RBFOX1: variants seen among roughly 807,000 people sequenced by gnomAD.
RBFOX1 encodes RNA binding protein fox-1 homolog 1.
A neutral mutation model predicts 57.7 loss-of-function variants in RBFOX1; 8 were observed. The ratio of observed to expected loss-of-function variants is 0.14; its 90% CI spans 0.08 to 0.25. The LOEUF (loss-of-function observed/expected upper bound fraction) is 0.25. RBFOX1 is among the 10% of genes least tolerant of loss of function. RBFOX1 has a pLI of 1.00. For missense variants in RBFOX1, 611 were observed against 548.5 expected (o/e 1.11, Z -1.14); for synonymous variants, 326 against 222.4 (o/e 1.47, Z -4.15).
intron 3 of RBFOX1, among the ~76,000 whole-genome samples, chr16:6,724,496 C>G (rs942390473): frequency 1.3e-5 from 2 of 152,114 alleles, no homozygotes; most frequent in Non-Finnish European, 2.9e-5. Flanking sequence ...GCATTAGCCA[C>G]CACACCTGGC....
At chr16:7,308,877 C>G (rs2096251285) in intron 4 of RBFOX1, among the ~76,000 whole-genome samples, 1 of 152,180 alleles carries the variant, frequency 6.6e-6, no homozygotes. Flanking sequence ...AAGTTCAATT[C>G]TCATTGCAGT....
chr16:5,526,538 C>T (rs1219578531), intron 2 of RBFOX1, among the ~76,000 whole-genome samples: 1 of 152,154 alleles, frequency 6.6e-6, no homozygotes, highest in Middle Eastern at 3.2e-3. Flanking sequence ...ATCTGCCCAC[C>T]TCAGCCTCCC....
chr16:6,995,397 A>G (rs1482493060), intron 3 of RBFOX1, among the ~76,000 whole-genome samples: 2 of 149,274 alleles, frequency 1.3e-5, no homozygotes, highest in South Asian at 2.1e-4. Context: ...TCACTTTATT[A>G]TTGTGACGTG....
intron 4 of RBFOX1, among the ~76,000 whole-genome samples, chr16:7,492,255 G>A (rs932705524): frequency 2.6e-5 from 4 of 152,272 alleles, no homozygotes; most frequent in Admixed American, 2.0e-4. Flanking sequence ...TCAAATAAAA[G>A]GAATGCAGAT....
intron 11 of RBFOX1, 23 bp from the exon 12 acceptor site, chr16:7,653,792 C>CTG: frequency 1.2e-6 from 2 of 1,607,250 alleles, no homozygotes; most frequent in Non-Finnish European, 1.7e-6. Flanking sequence ...TGCTCTCTCT[C>CTG]TCTCTCTCCT....
rs529061315 is a variant in RBFOX1 at position 5,796,450 on chromosome 16, G to A, written c.319-70853G>A. Reference sequence around the variant, plus strand: ...CAGTGGCCTCAAAAGCATCACATGGGGTCAGAGAGAGGAACAGGAGTGGTG... The same window carrying A: ...CAGTGGCCTCAAAAGCATCACATGGAGTCAGAGAGAGGAACAGGAGTGGTG... On this transcript the variant is annotated intron_variant, in intron 3 of 19. Transcript: ENST00000641259. 7.9e-5 allele frequency among the ~76,000 whole-genome samples: 12 copies of A among 152,238 alleles called. 1 individual carries two copies. The East Asian group carries it at 2.3e-3, about 29-fold the overall frequency.
chr16:6,587,554 T>G (rs1187857709), intron 2 of RBFOX1, among the ~76,000 whole-genome samples: 1 of 152,144 alleles, frequency 6.6e-6, no homozygotes, highest in Non-Finnish European at 1.5e-5. Flanking sequence ...ATTGCTGGGA[T>G]TACAGACATG....
intron 4 of RBFOX1, among the ~76,000 whole-genome samples, chr16:7,397,518 G>A (rs764118532): frequency 6.6e-6 from 1 of 152,162 alleles, no homozygotes; most frequent in South Asian, 2.1e-4. Flanking sequence ...ACTGGTGACA[G>A]AGGGTCTCAG....
At chr16:5,631,578 C>G (rs578197394) in intron 3 of RBFOX1, among the ~76,000 whole-genome samples, 1 of 151,874 alleles carries the variant, frequency 6.6e-6, no homozygotes, top group Non-Finnish European at 1.5e-5. Flanking sequence ...AAAAGTGTCT[C>G]TTCTATGTAT....
At chr16:5,759,154 G>A (rs1318590402) in intron 3 of RBFOX1, among the ~76,000 whole-genome samples, 1 of 152,166 alleles carries the variant, frequency 6.6e-6, no homozygotes, top group Non-Finnish European at 1.5e-5. Flanking sequence ...GGCAGTATCA[G>A]TAGGGGTTCA....
chr16:6,206,906 C>CAGCTTT (rs1200431641), intron 1 of RBFOX1, among the ~76,000 whole-genome samples: 1 of 151,898 alleles, frequency 6.6e-6, no homozygotes, highest in African/African-American at 2.4e-5. Flanking sequence ...AGGACAACAT[C>CAGCTTT]AGCTTTTTCA....
chr16:7,472,460 A>C (rs557190885), intron 4 of RBFOX1, among the ~76,000 whole-genome samples: 11 of 152,352 alleles, frequency 7.2e-5, no homozygotes, highest in African/African-American at 2.4e-4. Context: ...TATAAGTCTG[A>C]AACCAGTGTT....
At chr16:5,465,595 G>C (rs1053390457) in intron 1 of RBFOX1, among the ~76,000 whole-genome samples, 1 of 152,126 alleles carries the variant, frequency 6.6e-6, no homozygotes, top group Non-Finnish European at 1.5e-5. Context: ...ATGTCCCCCA[G>C]GACTCCTCTT....
chr16:7,273,220 T>TCCTC (rs1567985752), intron 4 of RBFOX1, among the ~76,000 whole-genome samples: 6 of 123,136 alleles, frequency 4.9e-5, no homozygotes, highest in African/African-American at 9.4e-5. Flanking sequence ...CTTCCTTCCT[T>TCCTC]CCTTCCTTCC....
intron 2 of RBFOX1, among the ~76,000 whole-genome samples, chr16:6,608,959 C>G (rs1003520302): frequency 1.3e-5 from 2 of 152,106 alleles, no homozygotes; most frequent in Non-Finnish European, 1.5e-5. Flanking sequence ...ACAGCCTTTT[C>G]CAAGTTCAAA....
At chr16:7,097,558 G>T (rs1460698754) in intron 4 of RBFOX1, among the ~76,000 whole-genome samples, 1 of 152,146 alleles carries the variant, frequency 6.6e-6, no homozygotes. Context: ...AGGATTTTAA[G>T]CACCTCTCCA....
chr16:6,857,908 A>G (rs912778093), intron 3 of RBFOX1, among the ~76,000 whole-genome samples: 1 of 152,218 alleles, frequency 6.6e-6, no homozygotes, highest in Non-Finnish European at 1.5e-5. Context: ...TATCCCACAG[A>G]AGTCATTGCA....
intron 3 of RBFOX1, among the ~76,000 whole-genome samples, chr16:5,823,345 A>G (rs995394900): frequency 6.6e-6 from 1 of 152,242 alleles, no homozygotes; most frequent in Non-Finnish European, 1.5e-5. Context: ...ACATAAAGGA[A>G]GGGGTAGCTC....
chr16:5,994,472 G>A (rs982540647), intron 4 of RBFOX1, among the ~76,000 whole-genome samples: 1 of 152,136 alleles, frequency 6.6e-6, no homozygotes, highest in Non-Finnish European at 1.5e-5. Flanking sequence ...ATTAGGTCTT[G>A]AGCAAACTGA....
Sources: gnomAD v4.1 joint callset for allele counts (sites outside exome capture counted in the v4.1 genomes callset) on GRCh38, gnomAD v4.1.1 for gene constraint, MANE v1.5 for transcripts, NCBI Gene and HGNC (gene_info 2026-07-23, HGNC 2026-07-21) for gene names.